The following CCSER1 variants were observed in gnomAD, a reference collection of about 807,000 sequenced individuals.
The protein encoded by CCSER1 is serine-rich coiled-coil domain-containing protein 1.
Under a neutral mutation model 82.0 loss-of-function variants are expected in CCSER1, and 41 were observed. The observed-to-expected ratio is 0.50, with a 90% CI of 0.39 to 0.65. The LOEUF (loss-of-function observed/expected upper bound fraction) is 0.65, where lower values mean the gene tolerates loss of function less well. Ranked by LOEUF, CCSER1 falls within the 30% of genes least tolerant of loss-of-function variation. The probability of loss-of-function intolerance (pLI) is 0.00; values close to 1 mark genes in which losing one functional copy is unlikely to be tolerated. For synonymous variants in CCSER1, 414 were observed against 383.9 expected (o/e 1.08, Z -0.92); for missense variants, 1,119 against 1,064.2 (o/e 1.05, Z -0.72).
intron 10 of CCSER1, among the ~76,000 whole-genome samples, chr4:91,584,274 A>G (rs1038782110): frequency 6.6e-6 from 1 of 151,422 alleles, no homozygotes; most frequent in Non-Finnish European, 1.5e-5. Flanking sequence ...CAGAGAAAAA[A>G]TAAATTTCAA....
intron 5 of CCSER1, among the ~76,000 whole-genome samples, chr4:90,532,617 C>T (rs1774677369): frequency 6.6e-6 from 1 of 151,968 alleles, no homozygotes; most frequent in South Asian, 2.1e-4. Context: ...TGAAAGGAGC[C>T]GTATACAATA....
chr4:91,157,936 CT>C (rs1191197031), intron 10 of CCSER1, among the ~76,000 whole-genome samples: 7 of 151,932 alleles, frequency 4.6e-5, no homozygotes, highest in African/African-American at 1.7e-4. Flanking sequence ...GGGTCTTATT[CT>C]TCATTTCTAC....
At chr4:91,166,369 A>T (rs1732077383) in intron 10 of CCSER1, among the ~76,000 whole-genome samples, 1 of 152,206 alleles carries the variant, frequency 6.6e-6, no homozygotes, top group African/African-American at 2.4e-5. Context: ...ATTAAAAAAA[A>T]GTGATCCAAA....
intron 1 of CCSER1, among the ~76,000 whole-genome samples, chr4:90,247,394 C>T (rs368470578): frequency 5.3e-5 from 8 of 151,814 alleles, no homozygotes; most frequent in African/African-American, 1.5e-4. Context: ...ACAACAATAT[C>T]GGAATAATAT....
intron 7 of CCSER1, 97 bp from the exon 8 acceptor site, chr4:90,815,665 G>A (rs1758916987): frequency 2.7e-6 from 2 of 734,898 alleles, no homozygotes; most frequent in South Asian, 4.4e-5. Flanking sequence ...TCGTTAGTCA[G>A]ATGCAATTAT....
rs182926828 is a variant in CCSER1, at chr4:90,385,129, G to T, written c.1510-14907G>T. On this transcript the variant is annotated intron_variant, in intron 3 of 10. Coordinates refer to ENST00000509176, the MANE Select transcript of CCSER1 (RefSeq NM_001145065.2). ...CCACATTTTCTTTATCTACTCATCG[G>T]TTGATGGACACTTAGATTCATTCCA... is the stretch of plus-strand genomic sequence containing the variant. Among the ~76,000 whole-genome samples the T allele has an allele frequency of 2.0e-3, 297 of 152,182 alleles. 1 individual carries two copies. The highest frequency in any genetic ancestry group is 6.4e-3 in the African/African-American group (267 of 41,514).
intron 5 of CCSER1, among the ~76,000 whole-genome samples, chr4:90,593,247 C>CA (rs1172444186): frequency 1.3e-5 from 2 of 151,596 alleles, no homozygotes; most frequent in Admixed American, 6.6e-5. Flanking sequence ...AAGGAGCAAA[C>CA]AAAAAAAATC....
Position 90,437,589 on chromosome 4 carries a change from G to T in CCSER1, c.1604-30645G>T, listed in dbSNP as rs1302151921. Among the ~76,000 whole-genome samples the T allele has an allele frequency of 5.3e-5, 8 of 152,212 alleles. No homozygotes were observed. In the East Asian group the frequency reaches 1.5e-3, roughly 29 times the overall value. On this transcript the variant is annotated intron_variant, in intron 4 of 10. Coordinates refer to ENST00000509176, the MANE Select transcript of CCSER1 (RefSeq NM_001145065.2). The stretch of plus-strand genomic sequence containing the variant: ...AACAAAATTTCCTGGTTTTGGGAAG[G>T]TTCCAGATAATGCATATAATGTGGT...
chr4:91,119,792 A>T (rs981682321), intron 10 of CCSER1, among the ~76,000 whole-genome samples: 2 of 152,088 alleles, frequency 1.3e-5, no homozygotes, highest in African/African-American at 4.8e-5. Flanking sequence ...TGAAAAAATT[A>T]TGCATATATT....
At chr4:91,552,142 T>C (rs1762188769) in intron 10 of CCSER1, among the ~76,000 whole-genome samples, 1 of 149,402 alleles carries the variant, frequency 6.7e-6, no homozygotes, top group Non-Finnish European at 1.5e-5. Context: ...TGTGCTCAGA[T>C]GGCTAAACTA....
intron 10 of CCSER1, among the ~76,000 whole-genome samples, chr4:91,383,750 G>T (rs558003649): frequency 6.6e-6 from 1 of 151,996 alleles, no homozygotes; most frequent in East Asian, 1.9e-4. Context: ...GGAGGGACAA[G>T]ATTAAAATAT....
intron 10 of CCSER1, among the ~76,000 whole-genome samples, chr4:91,585,184 A>G (rs554304123): frequency 6.6e-6 from 1 of 151,652 alleles, no homozygotes; most frequent in Non-Finnish European, 1.5e-5. Context: ...GTTTAATACT[A>G]GTAGTTCTCA....
intron 1 of CCSER1, among the ~76,000 whole-genome samples, chr4:90,283,132 C>T (rs1039202948): frequency 1.3e-5 from 2 of 151,832 alleles, no homozygotes; most frequent in Non-Finnish European, 2.9e-5. Context: ...ACATGTTTTT[C>T]TAGTTACATT....
At chr4:90,631,332 A>T (rs1724385406) in intron 6 of CCSER1, among the ~76,000 whole-genome samples, 1 of 152,062 alleles carries the variant, frequency 6.6e-6, no homozygotes, top group Admixed American at 6.6e-5. Context: ...GCATTTGTAT[A>T]TTTTTTCTCA....
intron 8 of CCSER1, among the ~76,000 whole-genome samples, chr4:90,885,603 A>G (rs1224137278): frequency 2.0e-5 from 3 of 152,168 alleles, no homozygotes; most frequent in Non-Finnish European, 2.9e-5. Flanking sequence ...ATTTTTAGCC[A>G]TAAGGTCATT....
chr4:91,485,659 T>C (rs1246016510), intron 10 of CCSER1, among the ~76,000 whole-genome samples: 3 of 152,162 alleles, frequency 2.0e-5, no homozygotes, highest in African/African-American at 7.2e-5. Context: ...AAAACATTTC[T>C]GCTCAGTAAC....
chr4:91,386,397 G>A (rs1377790063), intron 10 of CCSER1, among the ~76,000 whole-genome samples: 4 of 151,974 alleles, frequency 2.6e-5, no homozygotes. Context: ...TTAAAGAGAT[G>A]GCAAATAGAT....
chr4:91,533,299 T>C (rs1386629297), intron 10 of CCSER1, among the ~76,000 whole-genome samples: 1 of 152,180 alleles, frequency 6.6e-6, no homozygotes, highest in Non-Finnish European at 1.5e-5. Flanking sequence ...CTTCCGACCT[T>C]ACAGTTACTA....
At position 90,271,896 on chromosome 4, in the gene CCSER1, G is replaced by C. The variant is rs1473746107; in HGVS notation, c.-41-36348G>C. On this transcript the variant is annotated intron_variant, in intron 1 of 10. Transcript: ENST00000509176. ...TTTTTTTTTTTTTTTTTTTTAAAAG[G>C]AGGTTTAATTGACTCACAGTTCTAG... 5.2e-4 allele frequency among the ~76,000 whole-genome samples: 45 copies of C among 85,942 alleles called. 1 individual carries two copies. The highest frequency in any genetic ancestry group is 1.9e-3 in the African/African-American group (42 of 22,530). The allele number at this position is 85,942 out of a possible 152,430, so 56.4% of individuals were successfully genotyped here.
Sources: allele counts gnomAD v4.1 joint callset (sites outside exome capture counted in the v4.1 genomes callset), GRCh38; gene constraint gnomAD v4.1.1; transcripts MANE v1.5; gene names NCBI Gene and HGNC (gene_info 2026-07-23, HGNC 2026-07-21).